NOL4L: variants seen among roughly 807,000 people sequenced by gnomAD.
NOL4L encodes nucleolar protein 4 like.
A neutral mutation model predicts 64.5 loss-of-function variants in NOL4L; 7 were observed. That is an observed-to-expected ratio of 0.11 (90% CI 0.06 to 0.20). The LOEUF is 0.20. Ranked by LOEUF, NOL4L falls within the 10% of genes least tolerant of loss-of-function variation. The probability of loss-of-function intolerance (pLI) is 1.00; values close to 1 mark genes in which losing one functional copy is unlikely to be tolerated. For synonymous variants in NOL4L, 413 were observed against 401.0 expected (o/e 1.03, Z -0.36); for missense variants, 680 against 967.1 (o/e 0.70, Z 3.94).
intron 1 of NOL4L, among the ~76,000 whole-genome samples, 162 bp from the exon 2 acceptor site, chr20:32,528,075 C>T (rs532934158): frequency 5.9e-5 from 9 of 152,114 alleles, no homozygotes; most frequent in Non-Finnish European, 1.2e-4. Context: ...TGGAGGGGGA[C>T]GCCAGAGTCA....
intron 5 of NOL4L, among the ~76,000 whole-genome samples, chr20:32,470,349 G>A (rs1183270581): frequency 6.6e-6 from 1 of 152,244 alleles, no homozygotes; most frequent in Admixed American, 6.5e-5. Context: ...AGGCGCACTG[G>A]CTCACCTGCC....
At chr20:32,462,903 TAAAAAA>T (rs564168973) in intron 5 of NOL4L, among the ~76,000 whole-genome samples, 1 of 76,668 alleles carries the variant, frequency 1.3e-5, no homozygotes, top group African/African-American at 4.8e-5. Flanking sequence ...GACTCTGTCT[TAAAAAA>T]AAAAAAAAAA....
At chr20:32,461,446 G>A (rs1229602344) in intron 5 of NOL4L, among the ~76,000 whole-genome samples, 2 of 132,676 alleles carry the variant, frequency 1.5e-5, no homozygotes, top group African/African-American at 2.9e-5. Flanking sequence ...TTTTTGAGAC[G>A]GAGTCTTGCT....
chr20:32,494,551 T>C (rs561315311), intron 4 of NOL4L, among the ~76,000 whole-genome samples: 10 of 152,384 alleles, frequency 6.6e-5, no homozygotes, highest in Admixed American at 4.6e-4. Context: ...GTTTAGTTGA[T>C]GGTGCCCAGG....
intron 2 of NOL4L, among the ~76,000 whole-genome samples, chr20:32,524,085 C>T (rs1307871854): frequency 6.6e-6 from 1 of 152,192 alleles, no homozygotes; most frequent in Non-Finnish European, 1.5e-5. Flanking sequence ...TCTGACCTAC[C>T]AGCACCCTGG....
intron 1 of NOL4L, among the ~76,000 whole-genome samples, chr20:32,584,333 C>G (rs543951716): frequency 1.1e-4 from 17 of 151,230 alleles, no homozygotes; most frequent in African/African-American, 3.9e-4. Context: ...CTGCCCGGCA[C>G]GGCCACGGCC....
At chr20:32,454,300 G>T (rs945486780) in intron 6 of NOL4L, among the ~76,000 whole-genome samples, 3 of 152,220 alleles carry the variant, frequency 2.0e-5, no homozygotes, top group Admixed American at 1.3e-4. Flanking sequence ...CAGCCAGGGC[G>T]ACAGGTCCGT....
chr20:32,461,830 T>C (rs1257004392), intron 5 of NOL4L, among the ~76,000 whole-genome samples: 2 of 151,692 alleles, frequency 1.3e-5, no homozygotes, highest in African/African-American at 4.8e-5. Context: ...TTATTGTGTC[T>C]CTGGCCTGTG....
intron 1 of NOL4L, among the ~76,000 whole-genome samples, chr20:32,577,688 G>T (rs6119268): frequency 0.075 from 11,473 of 152,138 alleles, 1,179 homozygotes; most frequent in African/African-American, 0.23. Flanking sequence ...TCAAAAAAAA[G>T]AAAAGAAAAA....
chr20:32,482,950 G>T (rs1156510064), intron 4 of NOL4L, among the ~76,000 whole-genome samples: 1 of 151,612 alleles, frequency 6.6e-6, no homozygotes, highest in South Asian at 2.1e-4. Flanking sequence ...ACACCGAGCG[G>T]CCGTGGCACA....
At chr20:32,528,514 G>A (rs1194528912) in intron 1 of NOL4L, among the ~76,000 whole-genome samples, 1 of 152,270 alleles carries the variant, frequency 6.6e-6, no homozygotes, top group Non-Finnish European at 1.5e-5. Context: ...AGGCCACGAG[G>A]AGGTGGCAGG....
chr20:32,579,350 A>G (rs978746303), intron 1 of NOL4L, among the ~76,000 whole-genome samples: 5 of 152,236 alleles, frequency 3.3e-5, no homozygotes, highest in Non-Finnish European at 5.9e-5. Context: ...ACATGCACGC[A>G]CATGCGTGTT....
Position 32,468,628 on chromosome 20 carries a change from C to T in NOL4L, c.841+5973G>A, listed in dbSNP as rs531192075. Among the ~76,000 whole-genome samples, 151 of 152,262 alleles carry T rather than the reference C, an allele frequency of 9.9e-4. 1 individual carries two copies. The highest frequency in any genetic ancestry group is 3.5e-3 in the African/African-American group (146 of 41,564). On this transcript the variant is annotated intron_variant, in intron 5 of 10. Transcript: ENST00000621426. ...TGAAAAACAGGGACTTGGCCAAGCA[C>T]GGTGGCTCACGCCTGTAATCCCTGC...
chr20:32,513,715 G>A (rs1324560180), intron 3 of NOL4L, among the ~76,000 whole-genome samples: 1 of 152,072 alleles, frequency 6.6e-6, no homozygotes, highest in Non-Finnish European at 1.5e-5. Context: ...AGGTAAAAAT[G>A]TTAGCTGGGT....
chr20:32,453,395 C>T lies in NOL4L; in HGVS notation c.1406G>A (p.Arg469Gln). The T allele has an allele frequency of 3.1e-6, 5 of 1,614,072 alleles. No homozygotes were observed. Among genetic ancestry groups the T allele is most frequent in the Non-Finnish European group, 4.2e-6 (5 of 1,180,002 alleles). ...KIQAIIESCSRQFPEFQERAR... is the reference protein window; with the variant it reads ...KIQAIIESCSQQFPEFQERAR... ...CCGCTCCTGGAACTCAGGGAACTGC[C>T]GGCTGCAGGACTCGATGATGGCCTG... Residue 469 changes from arginine (R) to glutamine (Q), a missense_variant, in exon 8 of 11, where the codon CGG becomes CAG. By Grantham distance (43) the Arg-to-Gln change is conservative. This residue lies in a region of NOL4L where 70 missense variants were observed against 166.1 expected (regional missense o/e 0.42). Transcript: ENST00000621426. The surrounding 1 kb of genome is among the most constrained non-coding windows in gnomAD (Gnocchi z 5.6).
chr20:32,506,381 G>A (rs904385279), intron 4 of NOL4L, among the ~76,000 whole-genome samples: 1 of 152,038 alleles, frequency 6.6e-6, no homozygotes, highest in African/African-American at 2.4e-5. Flanking sequence ...AATAAGCCAG[G>A]CCCGGCACGG....
At chr20:32,503,626 T>C (rs928020074) in intron 4 of NOL4L, among the ~76,000 whole-genome samples, 3 of 152,198 alleles carry the variant, frequency 2.0e-5, no homozygotes, top group Non-Finnish European at 2.9e-5. Flanking sequence ...TTGAACAGTC[T>C]AGAGAAATGG....
At chr20:32,569,424 G>C (rs373872717) in intron 1 of NOL4L, among the ~76,000 whole-genome samples, 5 of 152,220 alleles carry the variant, frequency 3.3e-5, no homozygotes, top group African/African-American at 4.8e-5. Flanking sequence ...TGGCCACAGT[G>C]TGAAGCGGGG....
At chr20:32,533,669 TAGAA>T (rs1203422421) in intron 1 of NOL4L, among the ~76,000 whole-genome samples, 2 of 152,226 alleles carry the variant, frequency 1.3e-5, no homozygotes, top group Admixed American at 6.5e-5. Flanking sequence ...GGATTATGGA[TAGAA>T]AGAGCAGGAA....
Sources: gnomAD v4.1 joint callset for allele counts (sites outside exome capture counted in the v4.1 genomes callset) on GRCh38, gnomAD v4.1.1 for gene constraint, gnomAD v4.1.1 regional missense constraint, Gnocchi (gnomAD v3.1) non-coding constraint, MANE v1.5 for transcripts, NCBI Gene and HGNC (gene_info 2026-07-23, HGNC 2026-07-21) for gene names.